RNF144A: variants seen among roughly 807,000 people sequenced by gnomAD.
RNF144A encodes the protein E3 ubiquitin-protein ligase RNF144A.
RNF144A carries 11 observed loss-of-function variants against 38.7 expected under a neutral mutation model. The observed-to-expected ratio is 0.28, with a 90% CI of 0.18 to 0.47. The LOEUF is 0.47. Ranked by LOEUF, RNF144A falls within the 20% of genes least tolerant of loss-of-function variation. The probability of loss-of-function intolerance (pLI) is 0.99; values close to 1 mark genes in which losing one functional copy is unlikely to be tolerated. For missense variants in RNF144A, 316 were observed against 377.2 expected (o/e 0.84, Z 1.34); for synonymous variants, 149 against 143.9 (o/e 1.04, Z -0.25).
intron 2 of RNF144A, among the ~76,000 whole-genome samples, chr2:6,970,837 C>G (rs772087715): frequency 1.3e-4 from 20 of 152,230 alleles, no homozygotes; most frequent in Non-Finnish European, 2.8e-4. Context: ...CTCCAGTGGC[C>G]TAGTCCTTCC....
rs1021322535 is a variant in RNF144A at position 6,977,087 on chromosome 2, C to T, written c.-11-19829C>T. ...CCTTGATAAATATTACGCATTGCCT[C>T]TCAAAAGTGTTAGTTCATTGTATGT... On this transcript the variant is annotated intron_variant, in intron 2 of 8. Coordinates refer to ENST00000320892, the MANE Select transcript of RNF144A (RefSeq NM_014746.6). 3.3e-5 allele frequency among the ~76,000 whole-genome samples: 5 copies of T among 152,216 alleles called. No homozygotes were observed. In the South Asian group the frequency reaches 1.0e-3, roughly 31 times the overall value.
chr2:6,967,102 C>A (rs369537697), intron 2 of RNF144A, among the ~76,000 whole-genome samples: 2 of 152,162 alleles, frequency 1.3e-5, no homozygotes, highest in African/African-American at 4.8e-5. Flanking sequence ...ATGATGTTCT[C>A]CCTTTCCGTG....
At chr2:6,931,466 C>T (rs1665206719) in intron 1 of RNF144A, among the ~76,000 whole-genome samples, 1 of 152,236 alleles carries the variant, frequency 6.6e-6, no homozygotes, top group Non-Finnish European at 1.5e-5. Context: ...GAGGGACAGG[C>T]CTGCTGACAG....
At chr2:7,019,476 C>G (rs1284221811) in intron 5 of RNF144A, among the ~76,000 whole-genome samples, 1 of 152,204 alleles carries the variant, frequency 6.6e-6, no homozygotes, top group African/African-American at 2.4e-5. Context: ...CATCGCCTTT[C>G]AAGTCGTCTC....
chr2:6,956,335 T>C (rs1666998723), intron 2 of RNF144A, among the ~76,000 whole-genome samples: 1 of 152,158 alleles, frequency 6.6e-6, no homozygotes. Flanking sequence ...ACCCATGGCG[T>C]GTACCTGAAA....
At chr2:6,921,962 G>A (rs1664564844) in intron 1 of RNF144A, among the ~76,000 whole-genome samples, 1 of 152,176 alleles carries the variant, frequency 6.6e-6, no homozygotes, top group African/African-American at 2.4e-5. Context: ...GGTGGCTGGT[G>A]GTCTCTGAGC....
chr2:6,957,032 T>C (rs543192357), intron 2 of RNF144A, among the ~76,000 whole-genome samples: 1 of 152,248 alleles, frequency 6.6e-6, no homozygotes, highest in Admixed American at 6.5e-5. Flanking sequence ...GCAGCCTCAT[T>C]TACTCTTAGG....
intron 1 of RNF144A, among the ~76,000 whole-genome samples, chr2:6,931,493 T>C (rs961201369): frequency 1.3e-5 from 2 of 152,258 alleles, no homozygotes; most frequent in Admixed American, 6.5e-5. Flanking sequence ...GAGTCCACTG[T>C]GGAGAACTTC....
At chr2:6,983,062 G>C (rs1471809093) in intron 2 of RNF144A, among the ~76,000 whole-genome samples, 1 of 152,172 alleles carries the variant, frequency 6.6e-6, no homozygotes, top group Non-Finnish European at 1.5e-5. Flanking sequence ...CCAGGTCCGT[G>C]AATAACTCGT....
At chr2:6,987,921 T>C (rs1469817389) in intron 2 of RNF144A, among the ~76,000 whole-genome samples, 1 of 152,230 alleles carries the variant, frequency 6.6e-6, no homozygotes, top group Non-Finnish European at 1.5e-5. Context: ...AGAAAGTGTT[T>C]TATGGGCTCC....
At chr2:7,055,551 A>C (rs1266634770) in intron 6 of RNF144A, among the ~76,000 whole-genome samples, 1 of 152,012 alleles carries the variant, frequency 6.6e-6, no homozygotes, top group Non-Finnish European at 1.5e-5. Context: ...TTTACCCCTA[A>C]ATACCTCCCC....
chr2:6,971,164 C>T (rs1667979787), intron 2 of RNF144A, among the ~76,000 whole-genome samples: 1 of 152,120 alleles, frequency 6.6e-6, no homozygotes, highest in African/African-American at 2.4e-5. Flanking sequence ...TTGGCCTTGT[C>T]CTTGTTGCAG....
chr2:7,011,840 G>A (rs1013454038), intron 3 of RNF144A, among the ~76,000 whole-genome samples: 4 of 152,158 alleles, frequency 2.6e-5, no homozygotes, highest in East Asian at 3.9e-4. Context: ...AAGGTCAGGC[G>A]CTTGGAACGT....
intron 1 of RNF144A, among the ~76,000 whole-genome samples, chr2:6,926,044 C>T (rs1265204799): frequency 6.6e-6 from 1 of 152,218 alleles, no homozygotes; most frequent in Admixed American, 6.5e-5. Flanking sequence ...TAGCAAGGCA[C>T]TGAAGGTAGG....
In RNF144A at chr2:6,928,831, C is replaced by T. The variant is rs144158610; in HGVS notation, c.-212+11209C>T. Among the ~76,000 whole-genome samples, 990 of 152,326 alleles carry T rather than the reference C, an allele frequency of 6.5e-3. 4 individuals carry two copies. Among genetic ancestry groups the T allele is most frequent in the Middle Eastern group, 0.024 (7 of 294 alleles). On this transcript the variant is annotated intron_variant, in intron 1 of 8. Coordinates refer to ENST00000320892, the MANE Select transcript of RNF144A (RefSeq NM_014746.6). ...CTCCTCACCTGCTTTTTCCTGCATTCCCAGTGTCTCCTGCTGTGGCAGCCT... is the reference window on the plus strand; with the variant it reads ...CTCCTCACCTGCTTTTTCCTGCATTTCCAGTGTCTCCTGCTGTGGCAGCCT...
At chr2:7,047,136 G>A (rs896027696), downstream of RNF144A, among the ~76,000 whole-genome samples, 21 of 152,158 alleles carry the variant, frequency 1.4e-4, no homozygotes, top group Non-Finnish European at 2.2e-4. Context: ...TTTCATATTT[G>A]CCTGCTGTTA....
intron 1 of RNF144A, among the ~76,000 whole-genome samples, chr2:6,923,968 G>A (rs1394179995): frequency 1.3e-5 from 2 of 152,062 alleles, no homozygotes; most frequent in African/African-American, 4.8e-5. Context: ...ATGGATTTTT[G>A]TTAAGTGATT....
intron 1 of RNF144A, among the ~76,000 whole-genome samples, chr2:6,930,642 A>C (rs1252496004): frequency 3.3e-5 from 5 of 152,100 alleles, no homozygotes; most frequent in African/African-American, 1.2e-4. Flanking sequence ...CTCAGGCTGG[A>C]GTGCAGTGGT....
intron 1 of RNF144A, among the ~76,000 whole-genome samples, chr2:6,930,423 T>A (rs974640581): frequency 2.0e-5 from 3 of 152,034 alleles, no homozygotes; most frequent in Non-Finnish European, 2.9e-5. Flanking sequence ...CTTAGTTTTG[T>A]AAAAAATTAA....
Sources: allele counts gnomAD v4.1 joint callset (sites outside exome capture counted in the v4.1 genomes callset), GRCh38; gene constraint gnomAD v4.1.1; transcripts MANE v1.5; gene names NCBI Gene and HGNC (gene_info 2026-07-23, HGNC 2026-07-21).